Variants in SLC4A4 observed in about 807,000 individuals in gnomAD.
SLC4A4 encodes electrogenic sodium bicarbonate cotransporter 1.
In SLC4A4, 27 loss-of-function variants were observed where a neutral mutation model predicts 111.5. That is an observed-to-expected ratio of 0.24 (90% CI 0.18 to 0.33). The LOEUF (loss-of-function observed/expected upper bound fraction) is 0.33, where lower values mean the gene tolerates loss of function less well. Ranked by LOEUF, SLC4A4 falls within the 10% of genes least tolerant of loss-of-function variation. The pLI, the probability that SLC4A4 is intolerant of heterozygous loss-of-function variation, is 1.00. For synonymous variants in SLC4A4, 443 were observed against 463.4 expected, an observed-to-expected ratio of 0.96 and a Z score of 0.57; for missense variants, 909 against 1,315.5, an observed-to-expected ratio of 0.69 and a Z score of 4.78.
At chr4:71,420,811 G>A (rs1722382029) in intron 7 of SLC4A4, among the ~76,000 whole-genome samples, 1 of 147,138 alleles carries the variant, frequency 6.8e-6, no homozygotes, top group South Asian at 2.4e-4. Context: ...CACCAGGCCT[G>A]CCCTAAAAGA....
intron 18 of SLC4A4, among the ~76,000 whole-genome samples, chr4:71,541,220 CA>C (rs1006718988): frequency 6.6e-6 from 1 of 152,040 alleles, no homozygotes; most frequent in African/African-American, 2.4e-5. Context: ...CTAAGTGAAA[CA>C]GGAATCACTT....
intron 2 of SLC4A4, among the ~76,000 whole-genome samples, chr4:71,166,052 C>T (rs552889528): frequency 6.6e-6 from 1 of 152,166 alleles, no homozygotes; most frequent in Admixed American, 6.5e-5. Context: ...GAAAAATTTC[C>T]TATTGATAAT....
At chr4:71,336,719 C>T (rs1455780347) in intron 3 of SLC4A4, among the ~76,000 whole-genome samples, 1 of 152,162 alleles carries the variant, frequency 6.6e-6, no homozygotes, top group African/African-American at 2.4e-5. Context: ...ATCACTTTCT[C>T]TAGGACATCA....
Position 71,532,190 on chromosome 4 carries a change from A to T in SLC4A4, c.2280+15A>T. ...GTGAGTTCAAGGTAGGTGAATGTCTATCTTTTGGTCATTCCTGGAACTCTT... is the reference window on the plus strand; with the variant it reads ...GTGAGTTCAAGGTAGGTGAATGTCTTTCTTTTGGTCATTCCTGGAACTCTT... On this transcript the variant is annotated intron_variant, in intron 17 of 25. Transcript: ENST00000264485. 1 of 1,382,352 alleles carries T rather than the reference A, an allele frequency of 7.2e-7. No homozygotes were observed. The highest frequency in any genetic ancestry group is 1.2e-5 in the South Asian group (1 of 86,438). 85.6% of individuals were successfully genotyped at this position (1,382,352 alleles called of 1,614,324 possible).
At chr4:71,246,694 C>T (rs982167777) in intron 2 of SLC4A4, among the ~76,000 whole-genome samples, 1 of 152,034 alleles carries the variant, frequency 6.6e-6, no homozygotes, top group African/African-American at 2.4e-5. Context: ...CCATTTTTCC[C>T]TTCTCAATAA....
chr4:71,305,647 G>A (rs1474036858), intron 3 of SLC4A4, among the ~76,000 whole-genome samples: 1 of 152,176 alleles, frequency 6.6e-6, no homozygotes, highest in Non-Finnish European at 1.5e-5. Context: ...GAATCTCAGA[G>A]CATATTATTT....
chr4:71,117,810 A>C (rs901762943), intron 2 of SLC4A4, among the ~76,000 whole-genome samples: 1 of 151,848 alleles, frequency 6.6e-6, no homozygotes, highest in African/African-American at 2.4e-5. Context: ...TATAATTTCC[A>C]TTGTGATTCC....
chr4:71,115,920 G>A (rs1578494532), intron 2 of SLC4A4, among the ~76,000 whole-genome samples: 2 of 152,222 alleles, frequency 1.3e-5, no homozygotes, highest in East Asian at 3.9e-4. Flanking sequence ...TGGAGACGGA[G>A]TTTCACTCTT....
chr4:71,106,960 G>T (rs1240406333), intron 2 of SLC4A4, among the ~76,000 whole-genome samples: 3 of 148,156 alleles, frequency 2.0e-5, no homozygotes, highest in East Asian at 2.0e-4. Context: ...AGAAAAAAAA[G>T]TCTGTAAAGA....
intron 5 of SLC4A4, among the ~76,000 whole-genome samples, chr4:71,353,922 T>C (rs989761918): frequency 6.6e-6 from 1 of 152,228 alleles, no homozygotes; most frequent in Non-Finnish European, 1.5e-5. Context: ...CGCGACTGTT[T>C]AAGCAGGTGT....
chr4:71,481,610 T>G (rs963086087), intron 14 of SLC4A4, among the ~76,000 whole-genome samples: 2 of 151,808 alleles, frequency 1.3e-5, no homozygotes, highest in Admixed American at 1.3e-4. Context: ...ATTATTGGAA[T>G]GCTAAGCTTG....
intron 7 of SLC4A4, among the ~76,000 whole-genome samples, chr4:71,413,034 A>T (rs1241155229): frequency 6.6e-6 from 1 of 152,182 alleles, no homozygotes; most frequent in Non-Finnish European, 1.5e-5. Flanking sequence ...GATGCAGATG[A>T]AGAACCCCTC....
At chr4:71,318,910 A>G (rs902691367) in intron 3 of SLC4A4, among the ~76,000 whole-genome samples, 1 of 151,454 alleles carries the variant, frequency 6.6e-6, no homozygotes, top group African/African-American at 2.4e-5. Flanking sequence ...GTAGAGAATT[A>G]GACTTCCTAA....
intron 2 of SLC4A4, among the ~76,000 whole-genome samples, chr4:71,156,015 G>A (rs1228259731): frequency 2.6e-5 from 4 of 152,134 alleles, no homozygotes; most frequent in Non-Finnish European, 5.9e-5. Flanking sequence ...GATTGCTGCT[G>A]GCTTTTCATA....
intron 22 of SLC4A4, 34 bp downstream of exon 22, chr4:71,557,919 AT>A: frequency 6.5e-7 from 1 of 1,535,376 alleles, no homozygotes; most frequent in Non-Finnish European, 9.0e-7. Flanking sequence ...TACCTGTGAG[AT>A]TATATGAGTA....
intron 7 of SLC4A4, among the ~76,000 whole-genome samples, chr4:71,399,463 G>C (rs7436158): frequency 0.19 from 6,106 of 31,506 alleles, 407 homozygotes; most frequent in African/African-American, 0.36. Flanking sequence ...CCTCCCCTCC[G>C]TTCCCCTCCC....
intron 1 of SLC4A4, 136 bp from the exon 2 acceptor site, chr4:71,236,440 C>A: frequency 1.2e-6 from 1 of 818,758 alleles, no homozygotes; most frequent in Admixed American, 2.2e-5. Flanking sequence ...CAGTAGCAGA[C>A]ACCAGAAGAA....
rs1173239717 is a variant in SLC4A4 at position 71,323,513 on chromosome 4, A to G, written c.254-15857A>G. Among the ~76,000 whole-genome samples, 3 of 152,156 alleles carry G rather than the reference A, an allele frequency of 2.0e-5. No homozygotes were observed. In the South Asian group the frequency reaches 6.2e-4, roughly 32 times the overall value. On this transcript the variant is annotated intron_variant, in intron 3 of 25. Coordinates refer to ENST00000264485, the MANE Select transcript of SLC4A4 (RefSeq NM_001098484.3). The stretch of plus-strand genomic sequence containing the variant: ...CTAAACACAACAACTAGAAGTAATG[A>G]TTATTTAGATACTTAAGGCACTGGG...
chr4:71,143,159 TC>T (rs1389569265), intron 2 of SLC4A4, among the ~76,000 whole-genome samples: 4 of 152,126 alleles, frequency 2.6e-5, no homozygotes, highest in African/African-American at 9.7e-5. Context: ...CCATGTGTTT[TC>T]ATTGTTCATT....
Sources: allele counts gnomAD v4.1 joint callset (sites outside exome capture counted in the v4.1 genomes callset), GRCh38; gene constraint gnomAD v4.1.1; transcripts MANE v1.5; gene names NCBI Gene and HGNC (gene_info 2026-07-23, HGNC 2026-07-21).